ITGB6: variants seen among roughly 807,000 people sequenced by gnomAD.
ITGB6 encodes the protein integrin beta-6.
ITGB6 carries 80 observed loss-of-function variants against 84.5 expected under a neutral mutation model. That is an observed-to-expected ratio of 0.95 (90% CI 0.79 to 1.14). ITGB6 has a LOEUF of 1.14. Among genes scored for constraint, ITGB6 ranks in the 50% most tolerant of loss-of-function variants. ITGB6 has a pLI of 0.00. For missense variants in ITGB6, 1,006 were observed against 968.0 expected, an observed-to-expected ratio of 1.04 and a Z score of -0.52; for synonymous variants, 383 against 354.9, an observed-to-expected ratio of 1.08 and a Z score of -0.89.
chr2:160,103,896 C>T (rs1696810134), intron 14 of ITGB6, among the ~76,000 whole-genome samples: 1 of 152,090 alleles, frequency 6.6e-6, no homozygotes, highest in African/African-American at 2.4e-5. Context: ...TGTAGGTGCA[C>T]CCTATATCAT....
intron 4 of ITGB6, among the ~76,000 whole-genome samples, chr2:160,185,440 A>G (rs920102680): frequency 2.0e-5 from 3 of 152,182 alleles, no homozygotes; most frequent in Admixed American, 2.0e-4. Flanking sequence ...GACCTCTTCA[A>G]GAACTACAAA....
At chr2:160,112,790 T>C (rs1327494277) in intron 12 of ITGB6, among the ~76,000 whole-genome samples, 1 of 151,736 alleles carries the variant, frequency 6.6e-6, no homozygotes, top group African/African-American at 2.4e-5. Flanking sequence ...AGCTCCTTTC[T>C]TAATTTGAAA....
chr2:160,135,970 A>T (rs1225536749), intron 10 of ITGB6, among the ~76,000 whole-genome samples: 1 of 152,210 alleles, frequency 6.6e-6, no homozygotes, highest in South Asian at 2.1e-4. Context: ...AACCTAGGCA[A>T]TGCCATTCGG....
At chr2:160,132,032 G>C (rs1012562484) in intron 10 of ITGB6, among the ~76,000 whole-genome samples, 1 of 152,102 alleles carries the variant, frequency 6.6e-6, no homozygotes, top group African/African-American at 2.4e-5. Flanking sequence ...TATTTTGTTA[G>C]ATTACACTTA....
intron 4 of ITGB6, among the ~76,000 whole-genome samples, chr2:160,174,536 T>A (rs980633314): frequency 1.3e-5 from 2 of 151,918 alleles, no homozygotes; most frequent in Non-Finnish European, 2.9e-5. Flanking sequence ...TGAATCACCC[T>A]GTAGCAAGAC....
At chr2:160,177,247 T>C (rs1428728198) in intron 4 of ITGB6, among the ~76,000 whole-genome samples, 1 of 152,224 alleles carries the variant, frequency 6.6e-6, no homozygotes, top group Non-Finnish European at 1.5e-5. Flanking sequence ...TATCCTTTGC[T>C]ACATTTCTTA....
In ITGB6 at chr2:160,126,571, A is replaced by T. The variant is rs1197756453; in HGVS notation, c.1691T>A (p.Val564Glu). 7 of 1,613,630 alleles carry T rather than the reference A, an allele frequency of 4.3e-6. No individual in the cohort carries two copies. The highest frequency in any genetic ancestry group is 1.7e-4 in the Middle Eastern group (1 of 5,764). The change falls in exon 11 of 15, where the codon GTG becomes GAG. Residue 564 changes from valine to glutamate, a missense_variant. Coordinates refer to ENST00000283249, the MANE Select transcript of ITGB6 (RefSeq NM_000888.5). ...CTCGCCAGTCCAGCCGCTCCTGCAC[A>T]CACATTCACCACAGTCACAGTCGCC... Reference protein sequence around the residue: ...GNGDCDCGECVCRSGWTGEYC... With the variant: ...GNGDCDCGECECRSGWTGEYC...
chr2:160,104,292 C>T (rs756570903), intron 14 of ITGB6, among the ~76,000 whole-genome samples: 3 of 152,152 alleles, frequency 2.0e-5, no homozygotes, highest in Non-Finnish European at 4.4e-5. Flanking sequence ...GGATAATGCA[C>T]TCACATTGGG....
intron 10 of ITGB6, among the ~76,000 whole-genome samples, chr2:160,136,309 A>C (rs1049286999): frequency 1.3e-5 from 2 of 152,258 alleles, no homozygotes; most frequent in African/African-American, 4.8e-5. Flanking sequence ...AATGCTCATC[A>C]TCACTGGCCA....
At chr2:160,121,915 A>T (rs1683058601) in intron 12 of ITGB6, among the ~76,000 whole-genome samples, 1 of 151,124 alleles carries the variant, frequency 6.6e-6, no homozygotes, top group African/African-American at 2.4e-5. Context: ...CTGGGGAGTA[A>T]AATACTCCCC....
chr2:160,174,526 T>C (rs1462187885), intron 4 of ITGB6, among the ~76,000 whole-genome samples: 1 of 152,118 alleles, frequency 6.6e-6, no homozygotes, highest in Non-Finnish European at 1.5e-5. Context: ...TCATCAAGTG[T>C]GAATCACCCT....
chr2:160,195,993 A>T (rs1015259030), intron 3 of ITGB6, among the ~76,000 whole-genome samples: 2 of 152,214 alleles, frequency 1.3e-5, no homozygotes, highest in African/African-American at 4.8e-5. Flanking sequence ...AATAATTTAA[A>T]TGGTTACTAT....
intron 4 of ITGB6, among the ~76,000 whole-genome samples, chr2:160,179,985 C>T (rs574359292): frequency 7.3e-5 from 11 of 149,752 alleles, no homozygotes; most frequent in Non-Finnish European, 1.5e-4. Context: ...TGGTGGCACA[C>T]GCCTGTAATC....
At chr2:160,176,021 C>T (rs1685406325) in intron 4 of ITGB6, among the ~76,000 whole-genome samples, 1 of 152,152 alleles carries the variant, frequency 6.6e-6, no homozygotes, top group South Asian at 2.1e-4. Context: ...ATGCTTGTGC[C>T]TGTGAGTATC....
intron 7 of ITGB6, among the ~76,000 whole-genome samples, chr2:160,166,822 C>T (rs946465651): frequency 6.6e-6 from 1 of 152,208 alleles, no homozygotes; most frequent in African/African-American, 2.4e-5. Flanking sequence ...AAACTGCTTA[C>T]TTTATCCTTT....
At chr2:160,153,948 G>T (rs998291243) in intron 7 of ITGB6, among the ~76,000 whole-genome samples, 7 of 152,198 alleles carry the variant, frequency 4.6e-5, no homozygotes, top group African/African-American at 1.7e-4. Context: ...TGCTGGAGAG[G>T]ATGTGGAGAA....
chr2:160,160,335 TG>T (rs1442781878), intron 7 of ITGB6, among the ~76,000 whole-genome samples: 1 of 152,252 alleles, frequency 6.6e-6, no homozygotes, highest in Non-Finnish European at 1.5e-5. Context: ...AATAATTATT[TG>T]TTGCTTACTT....
intron 2 of ITGB6, among the ~76,000 whole-genome samples, chr2:160,198,514 C>T (rs1686431504): frequency 1.3e-5 from 2 of 152,196 alleles, no homozygotes; most frequent in African/African-American, 2.4e-5. Flanking sequence ...TCTTCCTTAC[C>T]ATGAATCAGT....
In ITGB6 at chr2:160,137,612, C is replaced by T. The variant is rs1469189980; in HGVS notation, c.1482G>A (p.Glu494=). Residue 494 remains glutamate (E), a synonymous_variant, in exon 10 of 15, where the codon GAG becomes GAA. Transcript: ENST00000283249. ...GHMGPRCECG[E]DMLSTDSCKE... is the part of the protein sequence containing the mutation. ...TGCAGGAATCTGTGCTCAGCATGTC[C>T]TCGCCACACTCACAGCGAGGCCCCA... 6 of 1,614,106 alleles carry T rather than the reference C, an allele frequency of 3.7e-6. No individual in the cohort carries two copies. The Admixed American group carries it at 8.3e-5, about 22-fold the overall frequency.
Sources: gnomAD v4.1 joint callset for allele counts (sites outside exome capture counted in the v4.1 genomes callset) on GRCh38, gnomAD v4.1.1 for gene constraint, MANE v1.5 for transcripts, NCBI Gene and HGNC (gene_info 2026-07-23, HGNC 2026-07-21) for gene names.